Variants in PLAAT5 observed in about 807,000 individuals in gnomAD.
PLAAT5 encodes phospholipase A and acyltransferase 5, also known as Ca(2+)-independent N-acyltransferase.
PLAAT5 carries 27 observed loss-of-function variants against 27.8 expected under a neutral mutation model. The observed-to-expected ratio is 0.97, with a 90% confidence interval of 0.72 to 1.34. The LOEUF (loss-of-function observed/expected upper bound fraction) is 1.34, where lower values mean the gene tolerates loss of function less well. PLAAT5 is among the 40% of genes most tolerant of loss of function. The probability of loss-of-function intolerance (pLI) is 0.00; values close to 1 mark genes in which losing one functional copy is unlikely to be tolerated. For synonymous variants in PLAAT5, 125 were observed against 136.1 expected (o/e 0.92, Z 0.57); for missense variants, 368 against 343.8 (o/e 1.07, Z -0.56).
intron 3 of PLAAT5, among the ~76,000 whole-genome samples, chr11:63,476,487 T>C (rs2016153955): frequency 6.6e-6 from 1 of 152,168 alleles, no homozygotes; most frequent in Non-Finnish European, 1.5e-5. Context: ...GATACAAAAT[T>C]ATTGGTTAAC....
chr11:63,480,875 G>C (rs2016268162), intron 3 of PLAAT5, among the ~76,000 whole-genome samples: 1 of 152,130 alleles, frequency 6.6e-6, no homozygotes, highest in South Asian at 2.1e-4. Flanking sequence ...TTCAATTCTA[G>C]GTGAAGATTT....
intron 3 of PLAAT5, among the ~76,000 whole-genome samples, chr11:63,483,822 T>TATATATATGTATATATATATATATAC (rs2016361874): frequency 9.7e-6 from 1 of 103,346 alleles, no homozygotes; most frequent in Non-Finnish European, 2.0e-5. Context: ...TATATATATA[T>TATATATATGTATATATATATATATAC]ATATATATAT....
chr11:63,472,488 G>A (rs546238532), intron 3 of PLAAT5, among the ~76,000 whole-genome samples: 78 of 152,130 alleles, frequency 5.1e-4, no homozygotes, highest in East Asian at 1.7e-3. Context: ...CTTCATCAAT[G>A]GTTATCAAAA....
At chr11:63,464,715 T>C (rs1309919217) in intron 5 of PLAAT5, among the ~76,000 whole-genome samples, 1 of 152,178 alleles carries the variant, frequency 6.6e-6, no homozygotes, top group Non-Finnish European at 1.5e-5. Context: ...GGAGTTTTAG[T>C]AAGGATCACC....
At chr11:63,473,773 C>T (rs1253459581) in intron 3 of PLAAT5, among the ~76,000 whole-genome samples, 2 of 146,448 alleles carry the variant, frequency 1.4e-5, no homozygotes, top group South Asian at 2.1e-4. Context: ...AGTGCAGTGG[C>T]GCAATCTTGG....
intron 1 of PLAAT5, chr11:63,490,559 C>A (rs1342326967): frequency 1.7e-5 from 12 of 695,212 alleles, no homozygotes; most frequent in Non-Finnish European, 2.9e-5. Flanking sequence ...GGAACGGAAT[C>A]GGGGAGAGGA....
rs190071874 is a variant in PLAAT5, at chr11:63,490,163, T to C, written c.239+80A>G. On this transcript the variant is annotated intron_variant, in intron 2 of 5. Coordinates refer to ENST00000540857, the MANE Select transcript of PLAAT5 (RefSeq NM_001146729.2). ...TTCACACAAAAACCACCTCTGGGTT[T>C]GTTTTACAGAACTGCATTCCAAGTC... is the stretch of plus-strand genomic sequence containing the variant. 11 of 1,590,836 alleles carry C rather than the reference T, an allele frequency of 6.9e-6. No homozygotes were observed. The East Asian group carries it at 1.6e-4, about 23-fold the overall frequency.
Position 63,464,732 on chromosome 11 carries a change from C to T in PLAAT5, c.718-1137G>A, listed in dbSNP as rs76043997. ...AGTTTTAGTAAGGATCACCTATTAA[C>T]ATGAATAGCCCAAGTTTTCACATAC... On this transcript the variant is annotated intron_variant, in intron 5 of 5. Coordinates refer to ENST00000540857, the MANE Select transcript of PLAAT5 (RefSeq NM_001146729.2). Among the ~76,000 whole-genome samples the T allele has an allele frequency of 2.5e-3, 387 of 152,302 alleles. 3 individuals carry two copies. The highest frequency in any genetic ancestry group is 7.9e-3 in the African/African-American group (327 of 41,556).
intron 3 of PLAAT5, among the ~76,000 whole-genome samples, chr11:63,479,114 A>C (rs1400673900): frequency 6.6e-6 from 1 of 152,192 alleles, no homozygotes; most frequent in Non-Finnish European, 1.5e-5. Flanking sequence ...ATCCCCCACC[A>C]TAAATCCCGG....
At position 63,490,935 on chromosome 11, in the gene PLAAT5, G is replaced by T; in HGVS notation, c.100C>A (p.Pro34Thr). The change falls in exon 1 of 6, where the codon CCC becomes ACC. Residue 34 changes from proline (P) to threonine (T), a missense_variant. Physicochemically the swap from Pro to Thr is conservative, Grantham distance 38 (BLOSUM62 -1). Transcript: ENST00000540857. ...CTGAGCGCAGGCGGCTGGTCCTTGGGCCCGGTACTGGCGGTTCGCGAGGCG... is the reference window on the plus strand; with the variant it reads ...CTGAGCGCAGGCGGCTGGTCCTTGGTCCCGGTACTGGCGGTTCGCGAGGCG... The part of the protein sequence containing the change: ...KPASRTASTG[P>T]KDQPPALRRS... 5.0e-6 allele frequency: 8 copies of T among 1,603,100 alleles called. No individual in the cohort carries two copies. The highest frequency in any genetic ancestry group is 6.8e-6 in the Non-Finnish European group (8 of 1,175,218).
chr11:63,465,837 A>G (rs1250627869), intron 5 of PLAAT5, among the ~76,000 whole-genome samples: 1 of 152,100 alleles, frequency 6.6e-6, no homozygotes, highest in African/African-American at 2.4e-5. Context: ...TTTCAGAAAT[A>G]TACTGATTTG....
chr11:63,489,969 A>G (rs887523864), intron 2 of PLAAT5, among the ~76,000 whole-genome samples: 7 of 152,212 alleles, frequency 4.6e-5, no homozygotes, highest in Non-Finnish European at 8.8e-5. Context: ...CAAGGACAAT[A>G]CTGTAAGCCT....
At chr11:63,487,281 A>T (rs1369623040) in intron 3 of PLAAT5, among the ~76,000 whole-genome samples, 1 of 152,212 alleles carries the variant, frequency 6.6e-6, no homozygotes, top group East Asian at 1.9e-4. Flanking sequence ...AGATTTGAAC[A>T]CTTCACCAAA....
intron 5 of PLAAT5, 60 bp from the exon 6 acceptor site, chr11:63,463,655 TACCTCC>T: frequency 7.5e-7 from 1 of 1,325,910 alleles, no homozygotes; most frequent in East Asian, 2.3e-5. Context: ...CACCCTCCCC[TACCTCC>T]ACCCCACCAT....
rs548249952 is a variant in PLAAT5, at chr11:63,479,522, T to C, written c.345+9349A>G. Among the ~76,000 whole-genome samples the C allele has an allele frequency of 2.6e-5, 4 of 152,318 alleles. No homozygotes were observed. In the South Asian group the frequency reaches 8.3e-4, roughly 32 times the overall value. ...AATTGCCTTTAATTTATAATTTAGG[T>C]ATATACAGATTTTTGATTCATAGAT... On this transcript the variant is annotated intron_variant, in intron 3 of 5. Coordinates refer to ENST00000540857, the MANE Select transcript of PLAAT5 (RefSeq NM_001146729.2).
chr11:63,479,175 A>C (rs951345661), intron 3 of PLAAT5, among the ~76,000 whole-genome samples: 29 of 152,244 alleles, frequency 1.9e-4, no homozygotes, highest in African/African-American at 7.0e-4. Context: ...GGAAGACAGC[A>C]TGTGAGTGAT....
At chr11:63,463,729 CTATCT>C (rs2015780888) in intron 5 of PLAAT5, 134 bp from the exon 6 acceptor site, 1 of 678,652 alleles carries the variant, frequency 1.5e-6, no homozygotes, top group Non-Finnish European at 2.6e-6. Context: ...GCAGTCCATG[CTATCT>C]TATATTTTCA....
intron 3 of PLAAT5, among the ~76,000 whole-genome samples, chr11:63,488,084 G>A (rs2016478234): frequency 6.6e-6 from 1 of 152,230 alleles, no homozygotes; most frequent in African/African-American, 2.4e-5. Flanking sequence ...GGCAGAGCTT[G>A]CAGTGAGCCA....
intron 3 of PLAAT5, among the ~76,000 whole-genome samples, chr11:63,487,199 G>A (rs1277785162): frequency 1.3e-5 from 2 of 152,142 alleles, no homozygotes; most frequent in Non-Finnish European, 2.9e-5. Flanking sequence ...GTATATATCT[G>A]ATGACGTACT....
Sources: gnomAD v4.1 joint callset for allele counts (sites outside exome capture counted in the v4.1 genomes callset) on GRCh38, gnomAD v4.1.1 for gene constraint, MANE v1.5 for transcripts, NCBI Gene and HGNC (gene_info 2026-07-23, HGNC 2026-07-21) for gene names.